Variants in PDE1A observed in about 807,000 individuals in gnomAD.
PDE1A encodes the protein phosphodiesterase 1A.
A neutral mutation model predicts 61.7 loss-of-function variants in PDE1A; 35 were observed. The ratio of observed to expected loss-of-function variants is 0.57; its 90% CI spans 0.43 to 0.75. The LOEUF (loss-of-function observed/expected upper bound fraction) is 0.75, where lower values mean the gene tolerates loss of function less well. PDE1A is among the 30% of genes least tolerant of loss of function. PDE1A has a pLI of 0.00. For synonymous variants in PDE1A, 232 were observed against 213.2 expected, an observed-to-expected ratio of 1.09 and a Z score of -0.77; for missense variants, 597 against 630.6, an observed-to-expected ratio of 0.95 and a Z score of 0.57.
At chr2:182,576,985 C>A in the PDE1A span, among the ~76,000 whole-genome samples, 1 of 152,104 alleles carries the variant, frequency 6.6e-6, no homozygotes, top group Non-Finnish European at 1.5e-5. Flanking sequence ...TGAATATTAA[C>A]CATATCAGAT....
At chr2:182,215,512 C>A (rs988438694) in intron 7 of PDE1A, among the ~76,000 whole-genome samples, 2 of 151,514 alleles carry the variant, frequency 1.3e-5, no homozygotes, top group Admixed American at 6.6e-5. Flanking sequence ...AATTGACAGA[C>A]CGCTAGCAAG....
At chr2:182,261,654 G>T (rs1234190403) in intron 2 of PDE1A, among the ~76,000 whole-genome samples, 1 of 152,064 alleles carries the variant, frequency 6.6e-6, no homozygotes, top group Non-Finnish European at 1.5e-5. Context: ...AATGAAAAAG[G>T]GCTATACTTT....
At chr2:182,637,604 C>G in the PDE1A span, among the ~76,000 whole-genome samples, 1 of 152,032 alleles carries the variant, frequency 6.6e-6, no homozygotes, top group Non-Finnish European at 1.5e-5. Context: ...AATTTTCTTA[C>G]CAAAGAATCA....
chr2:182,181,307 T>C (rs541121642), intron 13 of PDE1A, among the ~76,000 whole-genome samples: 1 of 152,318 alleles, frequency 6.6e-6, no homozygotes, highest in East Asian at 1.9e-4. Flanking sequence ...TTTGTTGTTG[T>C]TGCTTTCTGT....
At chr2:182,247,657 A>G (rs111517195) in intron 2 of PDE1A, among the ~76,000 whole-genome samples, 175 of 152,362 alleles carry the variant, frequency 1.1e-3, no homozygotes, top group Non-Finnish European at 2.1e-3. Context: ...AACAAAAACT[A>G]TAATGTAATA....
At chr2:182,316,203 CAG>C (rs1407552402) in intron 1 of PDE1A, among the ~76,000 whole-genome samples, 2 of 152,106 alleles carry the variant, frequency 1.3e-5, no homozygotes, top group Non-Finnish European at 2.9e-5. Context: ...AGTAGGGTAA[CAG>C]GGGACTTTAA....
chr2:182,212,732 G>A (rs4666580), intron 7 of PDE1A, among the ~76,000 whole-genome samples: 109,565 of 151,990 alleles, frequency 0.72, 39,805 homozygotes, highest in East Asian at 0.91. Flanking sequence ...GGCGCACCAC[G>A]AGATTATATC....
the PDE1A span, among the ~76,000 whole-genome samples, chr2:182,542,736 G>A: frequency 2.0e-5 from 3 of 152,080 alleles, no homozygotes; most frequent in African/African-American, 4.8e-5. Context: ...TAAATTTTTG[G>A]TTAAGATGTC....
At chr2:182,658,551 C>T in the PDE1A span, among the ~76,000 whole-genome samples, 1 of 152,190 alleles carries the variant, frequency 6.6e-6, no homozygotes, top group African/African-American at 2.4e-5. Flanking sequence ...GCAGTTCTAC[C>T]CACAGCATCG....
chr2:182,465,061 A>G (rs1049608358), intron 2 of PDE1A, among the ~76,000 whole-genome samples: 2 of 152,180 alleles, frequency 1.3e-5, no homozygotes, highest in Non-Finnish European at 2.9e-5. Flanking sequence ...TGTTAATTTG[A>G]CATTGCCTCA....
chr2:182,434,181 A>T (rs1273817092), intron 2 of PDE1A, among the ~76,000 whole-genome samples: 2 of 152,062 alleles, frequency 1.3e-5, no homozygotes, highest in Non-Finnish European at 2.9e-5. Context: ...TTATACCAAA[A>T]ATATATTTTT....
At chr2:182,400,558 T>G (rs1199803874) in intron 1 of PDE1A, among the ~76,000 whole-genome samples, 1 of 152,088 alleles carries the variant, frequency 6.6e-6, no homozygotes, top group Non-Finnish European at 1.5e-5. Context: ...CAACCCTAAT[T>G]AGCCCTCCAG....
the PDE1A span, among the ~76,000 whole-genome samples, chr2:182,638,404 C>T: frequency 2.0e-5 from 3 of 151,824 alleles, no homozygotes; most frequent in East Asian, 3.9e-4. Context: ...GGTGTGATGG[C>T]GGGTGCCTGT....
intron 1 of PDE1A, among the ~76,000 whole-genome samples, chr2:182,278,472 G>A (rs1318929134): frequency 6.6e-6 from 1 of 151,950 alleles, no homozygotes; most frequent in East Asian, 1.9e-4. Flanking sequence ...TTAAAATAGA[G>A]TCTTTAAAGA....
At chr2:182,498,880 T>C (rs757028871) in intron 2 of PDE1A, among the ~76,000 whole-genome samples, 1 of 150,960 alleles carries the variant, frequency 6.6e-6, no homozygotes, top group Non-Finnish European at 1.5e-5. Context: ...GAAGGCGGAG[T>C]TCGCAGTGAG....
the PDE1A span, among the ~76,000 whole-genome samples, chr2:182,529,917 C>CCT: frequency 6.6e-6 from 1 of 152,164 alleles, no homozygotes; most frequent in South Asian, 2.1e-4. Context: ...AATTACCCAG[C>CCT]CTCGGTATGT....
intron 2 of PDE1A, among the ~76,000 whole-genome samples, chr2:182,449,698 G>C (rs1169131952): frequency 1.3e-5 from 2 of 151,858 alleles, no homozygotes; most frequent in Non-Finnish European, 2.9e-5. Flanking sequence ...TAAAGTCCTA[G>C]TATTCATAAA....
the PDE1A span, among the ~76,000 whole-genome samples, chr2:182,697,175 A>T: frequency 6.6e-6 from 1 of 152,166 alleles, no homozygotes; most frequent in Non-Finnish European, 1.5e-5. Flanking sequence ...CTGTACTAAA[A>T]TACAAATGTA....
chr2:182,192,980 C>T (rs1685832279), intron 10 of PDE1A, among the ~76,000 whole-genome samples: 1 of 151,748 alleles, frequency 6.6e-6, no homozygotes, highest in African/African-American at 2.4e-5. Context: ...TATAGTTTTG[C>T]TTTGTTTTTG....
Sources: gnomAD v4.1 joint callset for allele counts (sites outside exome capture counted in the v4.1 genomes callset) on GRCh38, gnomAD v4.1.1 for gene constraint, MANE v1.5 for transcripts, NCBI Gene and HGNC (gene_info 2026-07-23, HGNC 2026-07-21) for gene names.